BICDL1: variants seen among roughly 807,000 people sequenced by gnomAD.
BICDL1 encodes the protein BICD family-like cargo adapter 1.
BICDL1 carries 20 observed loss-of-function variants against 76.8 expected under a neutral mutation model. That is an observed-to-expected ratio of 0.26 (90% CI 0.18 to 0.38). BICDL1 has a LOEUF of 0.38. Ranked by LOEUF, BICDL1 falls within the 10% of genes least tolerant of loss-of-function variation. The pLI is 1.00. For synonymous variants in BICDL1, 383 were observed against 337.1 expected (o/e 1.14, Z -1.49); for missense variants, 700 against 798.6 (o/e 0.88, Z 1.49).
rs1423964306 is a variant in BICDL1 at position 120,071,010 on chromosome 12, G to A, written c.910-612G>A. On this transcript the variant is annotated intron_variant, in intron 4 of 9. Coordinates refer to ENST00000548673, the MANE Select transcript of BICDL1 (RefSeq NM_001367886.1). This position sits in a 1 kb window ranked among gnomAD's most constrained non-coding sequence, Gnocchi z 4.8. ...CTTCCAAAATGCTGGTGTTACAGGCGTGAGCCACCACGCCCGGCCTGGTTG... is the reference window on the plus strand; with the variant it reads ...CTTCCAAAATGCTGGTGTTACAGGCATGAGCCACCACGCCCGGCCTGGTTG... Among the ~76,000 whole-genome samples, 1 of 152,056 alleles carries A rather than the reference G, an allele frequency of 6.6e-6. No individual in the cohort carries two copies. The highest frequency in any genetic ancestry group is 2.4e-5 in the African/African-American group (1 of 41,376).
chr12:120,038,628 T>G (rs1952572366), intron 2 of BICDL1, among the ~76,000 whole-genome samples: 2 of 152,338 alleles, frequency 1.3e-5, no homozygotes, highest in South Asian at 4.1e-4. Context: ...TTTGATTGAT[T>G]GGCTGTTGTG....
At chr12:120,003,829 G>A (rs1269792329) in intron 2 of BICDL1, among the ~76,000 whole-genome samples, 1 of 152,208 alleles carries the variant, frequency 6.6e-6, no homozygotes, top group Non-Finnish European at 1.5e-5. Flanking sequence ...CTACTGATGG[G>A]TATGGAAATG....
intron 7 of BICDL1, among the ~76,000 whole-genome samples, chr12:120,077,215 A>G (rs1317109197): frequency 6.6e-6 from 1 of 152,282 alleles, no homozygotes; most frequent in East Asian, 1.9e-4. Context: ...AGGAAAGCGT[A>G]GGTTTAATTT....
chr12:120,065,737 G>A (rs970472393), intron 4 of BICDL1, among the ~76,000 whole-genome samples: 1 of 152,186 alleles, frequency 6.6e-6, no homozygotes, highest in Admixed American at 6.5e-5. Flanking sequence ...GCACCAGGTG[G>A]ATCTCTGCCC....
Position 120,080,868 on chromosome 12 carries a change from A to G in BICDL1, c.1453-19A>G. ...CACCCAGGACAGCAGCAGTGATACC[A>G]TATTCATTCTCCTGTTAGGTGACAC... On this transcript the variant is annotated intron_variant, in intron 7 of 9. Transcript: ENST00000548673. 1 of 1,610,974 alleles carries G rather than the reference A, an allele frequency of 6.2e-7. No homozygotes were observed. Among genetic ancestry groups the G allele is most frequent in the Non-Finnish European group, 8.5e-7 (1 of 1,178,200 alleles).
chr12:119,992,705 A>G (rs1342725871), intron 1 of BICDL1: 1 of 152,178 alleles, frequency 6.6e-6, no homozygotes, highest in African/African-American at 2.4e-5. Flanking sequence ...ATTAAATCAA[A>G]CACTTGGGAG....
chr12:120,016,539 A>G (rs889847647), intron 2 of BICDL1, among the ~76,000 whole-genome samples: 20 of 144,404 alleles, frequency 1.4e-4, no homozygotes, highest in Admixed American at 1.2e-3. Flanking sequence ...CTCCCACTTC[A>G]GTCTCCCAAG....
At position 120,079,997 on chromosome 12, in the gene BICDL1, C is replaced by G. The variant is rs1243474753; in HGVS notation, c.1453-890C>G. ...TTGTGTCACACCAAGTCTCACACAA[C>G]CAGGAGTGCCCCCAAAATGGGAAGA... On this transcript the variant is annotated intron_variant, in intron 7 of 9. Coordinates refer to ENST00000548673, the MANE Select transcript of BICDL1 (RefSeq NM_001367886.1). The surrounding 1 kb of genome is among the most constrained non-coding windows in gnomAD (Gnocchi z 4.3). 6.6e-6 allele frequency among the ~76,000 whole-genome samples: 1 copy of G among 152,222 alleles called. No homozygotes were observed. The highest frequency in any genetic ancestry group is 1.9e-4 in the East Asian group (1 of 5,202).
chr12:120,067,187 C>T (rs1953239288), intron 4 of BICDL1, among the ~76,000 whole-genome samples: 2 of 152,252 alleles, frequency 1.3e-5, no homozygotes, highest in East Asian at 1.9e-4. Context: ...CCTCTAAGGG[C>T]CACTTAACTG....
At chr12:120,091,088 C>T (rs921420021) in intron 9 of BICDL1, 1 of 1,282,232 alleles carries the variant, frequency 7.8e-7, no homozygotes, top group African/African-American at 1.5e-5. Flanking sequence ...GCCGCCTCCC[C>T]TCATGGCCCA....
In BICDL1 at chr12:120,016,928, T is replaced by G. The variant is rs573708006; in HGVS notation, c.645+18192T>G. ...CATTTTTTGAGACGGAGTCTCGCTCTCTCTCCCAGTCTGGAGTGCAGTGGC... is the reference window on the plus strand; with the variant it reads ...CATTTTTTGAGACGGAGTCTCGCTCGCTCTCCCAGTCTGGAGTGCAGTGGC... On this transcript the variant is annotated intron_variant, in intron 2 of 9. Coordinates refer to ENST00000548673, the MANE Select transcript of BICDL1 (RefSeq NM_001367886.1). Among the ~76,000 whole-genome samples the G allele has an allele frequency of 3.0e-4, 46 of 152,326 alleles. No individual in the cohort carries two copies. In the South Asian group the frequency reaches 8.9e-3, roughly 29 times the overall value.
intron 2 of BICDL1, among the ~76,000 whole-genome samples, chr12:120,013,758 A>G (rs1952006438): frequency 6.6e-6 from 1 of 152,242 alleles, no homozygotes; most frequent in African/African-American, 2.4e-5. Flanking sequence ...CACCGTGTCC[A>G]GCCTTTAACC....
chr12:120,081,092 A>G, intron 8 of BICDL1, 75 bp downstream of exon 8: 1 of 1,465,154 alleles, frequency 6.8e-7, no homozygotes, highest in Non-Finnish European at 9.3e-7. Flanking sequence ...TCAATTTTTT[A>G]AATTAAATCA....
At chr12:120,081,296 G>A (rs1873962715) in intron 8 of BICDL1, among the ~76,000 whole-genome samples, 1 of 151,066 alleles carries the variant, frequency 6.6e-6, no homozygotes, top group African/African-American at 2.4e-5. Context: ...GACATCAATA[G>A]GATGATACTC....
intron 2 of BICDL1, among the ~76,000 whole-genome samples, chr12:120,046,475 CA>C (rs1952752239): frequency 6.6e-6 from 1 of 152,214 alleles, no homozygotes; most frequent in African/African-American, 2.4e-5. Flanking sequence ...AAACACTTTA[CA>C]TATATTTATT....
chr12:120,092,663 G>A (rs1027791479), intron 9 of BICDL1: 20 of 985,352 alleles, frequency 2.0e-5, no homozygotes, highest in Non-Finnish European at 2.4e-5. Flanking sequence ...AGGCAGAGCC[G>A]TGAGGCCTGG....
intron 8 of BICDL1, among the ~76,000 whole-genome samples, chr12:120,085,671 T>C (rs770644591): frequency 6.8e-4 from 103 of 151,572 alleles, no homozygotes; most frequent in East Asian, 5.8e-4. Flanking sequence ...AAAAATTAGC[T>C]GAGTGTGGTG....
chr12:120,090,817 A>T, intron 9 of BICDL1: 1 of 1,161,308 alleles, frequency 8.6e-7, no homozygotes, highest in Non-Finnish European at 1.1e-6. Flanking sequence ...GCCCCACCGC[A>T]GGGTGCCCGT....
At chr12:120,046,473 T>G (rs1315730462) in intron 2 of BICDL1, among the ~76,000 whole-genome samples, 1 of 152,228 alleles carries the variant, frequency 6.6e-6, no homozygotes, top group African/African-American at 2.4e-5. Context: ...CCAAACACTT[T>G]ACATATATTT....
Sources: allele counts gnomAD v4.1 joint callset (sites outside exome capture counted in the v4.1 genomes callset), GRCh38; gene constraint gnomAD v4.1.1; non-coding constraint Gnocchi (gnomAD v3.1); transcripts MANE v1.5; gene names NCBI Gene and HGNC (gene_info 2026-07-23, HGNC 2026-07-21).